The following POLG variants were observed in gnomAD, a reference collection of about 807,000 sequenced individuals.
The protein encoded by POLG is DNA polymerase subunit gamma-1.
POLG carries 110 observed loss-of-function variants against 155.4 expected under a neutral mutation model. The ratio of observed to expected loss-of-function variants is 0.71; its 90% CI spans 0.61 to 0.83. The LOEUF (loss-of-function observed/expected upper bound fraction) is 0.83, where lower values mean the gene tolerates loss of function less well. Ranked by LOEUF, POLG falls within the 40% of genes least tolerant of loss-of-function variation. The pLI is 0.00. For missense variants in POLG, 1,685 were observed against 1,627.5 expected, an observed-to-expected ratio of 1.04 and a Z score of -0.61; for synonymous variants, 701 against 631.5, an observed-to-expected ratio of 1.11 and a Z score of -1.65.
intron 18 of POLG, 28 bp downstream of exon 18, chr15:89,320,738 T>C: frequency 1.2e-6 from 2 of 1,611,154 alleles, no homozygotes; most frequent in South Asian, 2.2e-5. Flanking sequence ...GTCCTGGGTG[T>C]TAAAGTGGAT....
chr15:89,333,980 A>G, intron 1 of POLG, 67 bp from the exon 2 acceptor site: 1 of 593,892 alleles, frequency 1.7e-6, no homozygotes, highest in South Asian at 2.0e-5. Context: ...CATAATCATC[A>G]TTCCTTGAGC....
chr15:89,325,151 T>TGAGTGAGTGAGA (rs2055478187), intron 10 of POLG, among the ~76,000 whole-genome samples: 1 of 42,220 alleles, frequency 2.4e-5, no homozygotes, highest in African/African-American at 1.2e-4. Context: ...AGAGAGTGAG[T>TGAGTGAGTGAGA]GAGTGAGTGA....
At chr15:89,331,306 C>G (rs912205922) in intron 2 of POLG, among the ~76,000 whole-genome samples, 4 of 152,020 alleles carry the variant, frequency 2.6e-5, no homozygotes, top group African/African-American at 7.2e-5. Flanking sequence ...CCCACCCCCC[C>G]ACATTTTAAT....
In POLG at chr15:89,320,833, G is replaced by T. The variant is rs762972003; in HGVS notation, c.2914C>A (p.Arg972=). The change falls in exon 18 of 23, where the codon CGG becomes AGG. Residue 972 remains arginine (R), a synonymous_variant. Coordinates refer to ENST00000268124, the MANE Select transcript of POLG (RefSeq NM_002693.3). ...AERLLMQFNH[R]LTQQEAAEKA... ...TCAGCTGCCTCCTGCTGTGTGAGCC[G>T]GTGGTTAAACTGCATTAGTAAGCGC... 1 of 1,613,864 alleles carries T rather than the reference G, an allele frequency of 6.2e-7. No individual in the cohort carries two copies. The highest frequency in any genetic ancestry group is 1.1e-5 in the South Asian group (1 of 91,076).
In POLG at chr15:89,326,680, G is replaced by A; in HGVS notation, c.1644C>T (p.Cys548=). The A allele has an allele frequency of 6.2e-7, 1 of 1,614,158 alleles. No individual in the cohort carries two copies. Among genetic ancestry groups the A allele is most frequent in the Non-Finnish European group, 8.5e-7 (1 of 1,180,046 alleles). The change falls in exon 9 of 23, where the codon TGC becomes TGT. Residue 548 remains cysteine, a synonymous_variant. Coordinates refer to ENST00000268124, the MANE Select transcript of POLG (RefSeq NM_002693.3). ...EFQQDVMARA[C]LQKLKGTTEL... ...CTGTGGTCCCCTTCAGCTTCTGCAA[G>A]CAGGCGCGGGCCATGACATCTTGTT...
chr15:89,319,401 G>A (rs201474278), intron 18 of POLG, 51 bp from the exon 19 acceptor site: 63 of 1,608,474 alleles, frequency 3.9e-5, no homozygotes, highest in Middle Eastern at 1.6e-4. Context: ...CCTGTGCCAC[G>A]CTAGTGCCTT....
intron 10 of POLG, among the ~76,000 whole-genome samples, chr15:89,325,053 T>TGAGAGAGTGAGA (rs2055456832): frequency 1.1e-5 from 1 of 87,572 alleles, no homozygotes; most frequent in African/African-American, 6.5e-5. Flanking sequence ...AGTGAGTGAG[T>TGAGAGAGTGAGA]GAGAGAGTGA....
chr15:89,320,858 C>T lies in POLG; in HGVS notation c.2889G>A (p.Glu963=). 1.2e-6 allele frequency: 2 copies of T among 1,614,024 alleles called. No individual in the cohort carries two copies. Among genetic ancestry groups the T allele is most frequent in the Non-Finnish European group, 8.5e-7 (1 of 1,180,030 alleles). ...RIYGAGQPFA[E]RLLMQFNHRL... The stretch of plus-strand genomic sequence containing the variant: ...GGTGGTTAAACTGCATTAGTAAGCG[C>T]TCAGCAAAGGGCTGCCCAGCACCAT... The change falls in exon 18 of 23, where the codon GAG becomes GAA. Residue 963 remains glutamate, a synonymous_variant. Transcript: ENST00000268124.
chr15:89,316,836 T>C lies in POLG; in HGVS notation c.3644-9A>G, dbSNP rs115048121. On this transcript the variant is annotated splice_polypyrimidine_tract_variant and intron_variant, in intron 22 of 22. Transcript: ENST00000268124. The stretch of plus-strand genomic sequence containing the variant: ...AATATCCAGCGCTTCACCTGAAAGA[T>C]AGTGCAAATTGGTTAGGATGCCACC... The C allele has an allele frequency of 1.4e-3, 2,173 of 1,607,264 alleles. 31 individuals are homozygous for C. The African/African-American group carries it at 0.026, about 19-fold the overall frequency.
At chr15:89,329,699 CTGTTA>C (rs745654656) in intron 3 of POLG, among the ~76,000 whole-genome samples, 7 of 152,242 alleles carry the variant, frequency 4.6e-5, no homozygotes, top group Non-Finnish European at 8.8e-5. Flanking sequence ...TATGAGATTT[CTGTTA>C]TGTCTGCCTT....
At position 89,316,330 on chromosome 15, in the gene POLG, T is replaced by C; in HGVS notation, c.*421A>G. 1 of 1,488,710 alleles carries C rather than the reference T, an allele frequency of 6.7e-7. No homozygotes were observed. 92.2% of individuals were successfully genotyped at this position (1,488,710 alleles called of 1,614,324 possible). On this transcript the variant is annotated 3_prime_UTR_variant, in exon 23 of 23. Transcript: ENST00000268124. ...TGAGAAGATAGAGTCTTTTTTTTCC[T>C]TCTTTTTATTTCCACTGCCTTGGAG...
Position 89,316,660 on chromosome 15 carries a change from T to G in POLG, c.*91A>C, listed in dbSNP as rs1217212677. The G allele has an allele frequency of 8.0e-7, 1 of 1,253,970 alleles. No homozygotes were observed. The highest frequency in any genetic ancestry group is 1.2e-6 in the Non-Finnish European group (1 of 855,476). The allele number at this position is 1,253,970 out of a possible 1,614,324, so 77.7% of individuals were successfully genotyped here. A position where few individuals can be genotyped will look rare whatever the true frequency, so the allele number is the denominator to read the frequency against. On this transcript the variant is annotated 3_prime_UTR_variant, in exon 23 of 23. Coordinates refer to ENST00000268124, the MANE Select transcript of POLG (RefSeq NM_002693.3). ...AATGGCTGGCCTTAGGCAAGCCCTTTTGCAAAAAGCACAGCTGAAAGCCTG... is the reference window on the plus strand; with the variant it reads ...AATGGCTGGCCTTAGGCAAGCCCTTGTGCAAAAAGCACAGCTGAAAGCCTG...
chr15:89,318,874 G>A, intron 20 of POLG, 57 bp downstream of exon 20: 1 of 1,592,942 alleles, frequency 6.3e-7, no homozygotes, highest in South Asian at 1.1e-5. Flanking sequence ...TCCACAGGGA[G>A]CTCTGCCCTG....
At position 89,323,470 on chromosome 15, in the gene POLG, G is replaced by T; in HGVS notation, c.2199C>A (p.His733Gln). Residue 733 changes from histidine to glutamine, a missense_variant, in exon 13 of 23, where the codon CAC becomes CAA. By Grantham distance (24) the His-to-Gln change is conservative. Transcript: ENST00000268124. Reference sequence around the variant, plus strand: ...CGTCGTTGTAAGGTCCATTGCCATGGTGATAGCTGGGCTGGGTGTCCTTGG... The same window carrying T: ...CGTCGTTGTAAGGTCCATTGCCATGTTGATAGCTGGGCTGGGTGTCCTTGG... ...GGPKDTQPSY[H>Q]HGNGPYNDVD... 6.2e-7 allele frequency: 1 copy of T among 1,613,958 alleles called. No individual in the cohort carries two copies. The highest frequency in any genetic ancestry group is 1.1e-5 in the South Asian group (1 of 91,080).
At position 89,316,640 on chromosome 15, in the gene POLG, C is replaced by CA. The variant is rs761972307; in HGVS notation, c.*110_*111insT. The CA allele has an allele frequency of 2.8e-4, 323 of 1,169,846 alleles. No homozygotes were observed. The highest frequency in any genetic ancestry group is 4.0e-4 in the Non-Finnish European group (311 of 782,660). The allele number at this position is 1,169,846 out of a possible 1,614,324, so 72.5% of individuals were successfully genotyped here. A position where few individuals can be genotyped will look rare whatever the true frequency, so the allele number is the denominator to read the frequency against. ...GGCAGGTCCTGCTACTGAAAAATGG[C>CA]TGGCCTTAGGCAAGCCCTTTTGCAA... On this transcript the variant is annotated 3_prime_UTR_variant, in exon 23 of 23. Coordinates refer to ENST00000268124, the MANE Select transcript of POLG (RefSeq NM_002693.3).
chr15:89,322,684 G>A, intron 14 of POLG, 58 bp downstream of exon 14: 4 of 1,563,112 alleles, frequency 2.6e-6, no homozygotes, highest in Non-Finnish European at 3.5e-6. Context: ...TTAGTCAGGG[G>A]TCCCTGGGTG....
intron 10 of POLG, among the ~76,000 whole-genome samples, 164 bp downstream of exon 10, chr15:89,325,284 AAG>A (rs145083754): frequency 0.051 from 2,949 of 57,360 alleles, 1,069 homozygotes; most frequent in African/African-American, 0.35. Context: ...GAGAGAGAGA[AAG>A]AGAGAGAGAG....
Position 89,319,296 on chromosome 15 carries a change from C to T in POLG, c.3036G>A (p.Val1012=), listed in dbSNP as rs965963320. The change falls in exon 19 of 23, where the codon GTG becomes GTA. Residue 1012 remains valine (V), a synonymous_variant. Coordinates refer to ENST00000268124, the MANE Select transcript of POLG (RefSeq NM_002693.3). The part of the protein sequence containing the change: ...EWLVRELNLP[V]DRTEGGWISL... ...AAATCCAGCCACCCTCAGTCCTGTC[C>T]ACTGGGAGGTTCAACTCCCTCACCA... 1.9e-6 allele frequency: 3 copies of T among 1,614,180 alleles called. No homozygotes were observed. The African/African-American group carries it at 4.0e-5, about 22-fold the overall frequency.
Position 89,319,260 on chromosome 15 carries a change from A to C in POLG, c.3072T>G (p.Asp1024Glu). 2 of 1,614,170 alleles carry C rather than the reference A, an allele frequency of 1.2e-6. No homozygotes were observed. Among genetic ancestry groups the C allele is most frequent in the Non-Finnish European group, 1.7e-6 (2 of 1,180,034 alleles). ...CAGTTTCTCTCTGGACCTTGCGCAG[A>C]TCCTGCAGGGAAATCCAGCCACCCT... Reference protein sequence around the residue: ...RTEGGWISLQDLRKVQRETAR... With the variant: ...RTEGGWISLQELRKVQRETAR... The change falls in exon 19 of 23, where the codon GAT becomes GAG. Residue 1024 changes from aspartate to glutamate, a missense_variant. By Grantham distance (45) the Asp-to-Glu change is conservative. Around this residue, in one of 3 missense-constraint regions of POLG, gnomAD observed 470 missense variants for 439.9 expected, o/e 1.07. Coordinates refer to ENST00000268124, the MANE Select transcript of POLG (RefSeq NM_002693.3).
Sources: allele counts gnomAD v4.1 joint callset (sites outside exome capture counted in the v4.1 genomes callset), GRCh38; gene constraint gnomAD v4.1.1; regional missense constraint gnomAD v4.1.1; transcripts MANE v1.5; gene names NCBI Gene and HGNC (gene_info 2026-07-23, HGNC 2026-07-21).